SV2C: variants seen among roughly 807,000 people sequenced by gnomAD.
The protein encoded by SV2C is solute carrier family 22 member B3.
A neutral mutation model predicts 79.7 loss-of-function variants in SV2C; 49 were observed. The observed-to-expected ratio is 0.61, with a 90% CI of 0.49 to 0.78. SV2C has a LOEUF of 0.78. Ranked by LOEUF, SV2C falls within the 30% of genes least tolerant of loss-of-function variation. SV2C has a pLI of 0.00. For missense variants in SV2C, 833 were observed against 912.9 expected (o/e 0.91, Z 1.13); for synonymous variants, 334 against 333.2 (o/e 1.00, Z -0.03).
At chr5:76,067,984 C>A in the SV2C span, among the ~76,000 whole-genome samples, 1 of 152,148 alleles carries the variant, frequency 6.6e-6, no homozygotes, top group Non-Finnish European at 1.5e-5. Context: ...TATCCATTTA[C>A]AGTTCTAAAA....
intron 1 of SV2C, among the ~76,000 whole-genome samples, chr5:76,122,785 T>C (rs890045547): frequency 7.2e-5 from 11 of 151,792 alleles, no homozygotes; most frequent in Admixed American, 2.0e-4. Flanking sequence ...AGATCCAAAA[T>C]TGACACCCTA....
intron 12 of SV2C, among the ~76,000 whole-genome samples, chr5:76,305,704 C>CA (rs903855892): frequency 2.6e-5 from 4 of 151,738 alleles, no homozygotes; most frequent in South Asian, 4.2e-4. Flanking sequence ...TTTTCTGTGC[C>CA]AAAAAAAATG....
At chr5:75,967,797 C>T in the SV2C span, among the ~76,000 whole-genome samples, 1 of 152,154 alleles carries the variant, frequency 6.6e-6, no homozygotes, top group African/African-American at 2.4e-5. Flanking sequence ...CTTAAATGTC[C>T]CTGTCTGACA....
At chr5:76,348,377 A>C (rs1561328765) in intron 12 of SV2C, among the ~76,000 whole-genome samples, 1 of 152,346 alleles carries the variant, frequency 6.6e-6, no homozygotes, top group East Asian at 1.9e-4. Context: ...AAGTTTGGCA[A>C]TTATAAGGAA....
At chr5:76,142,741 T>A (rs536583947) in intron 2 of SV2C, among the ~76,000 whole-genome samples, 14 of 152,316 alleles carry the variant, frequency 9.2e-5, no homozygotes, top group African/African-American at 3.1e-4. Flanking sequence ...ATTTCTTTTT[T>A]AAAAACATTA....
chr5:75,930,553 A>T, the SV2C span, among the ~76,000 whole-genome samples: 1 of 152,224 alleles, frequency 6.6e-6, no homozygotes, highest in African/African-American at 2.4e-5. Context: ...CATTAGGCAG[A>T]TTCTCTAGAA....
chr5:76,277,339 A>G (rs1747052887), intron 4 of SV2C, among the ~76,000 whole-genome samples: 1 of 152,240 alleles, frequency 6.6e-6, no homozygotes, highest in African/African-American at 2.4e-5. Context: ...ACTGGAAACA[A>G]TCTAAGTGTC....
chr5:76,283,067 C>G (rs1747245725), intron 4 of SV2C, among the ~76,000 whole-genome samples: 1 of 151,910 alleles, frequency 6.6e-6, no homozygotes, highest in South Asian at 2.1e-4. Context: ...GTAATCCTAG[C>G]ACTTTGGAAG....
At chr5:75,883,221 G>A in the SV2C span, among the ~76,000 whole-genome samples, 1 of 127,014 alleles carries the variant, frequency 7.9e-6, no homozygotes, top group African/African-American at 3.7e-5. Flanking sequence ...GGAGAAATAG[G>A]AACACTTTTA....
chr5:76,316,408 C>A (rs891508544), intron 12 of SV2C, among the ~76,000 whole-genome samples: 1 of 152,110 alleles, frequency 6.6e-6, no homozygotes, highest in Non-Finnish European at 1.5e-5. Flanking sequence ...AATTCAGAAT[C>A]TCTGTGCATG....
At chr5:75,952,730 A>G in the SV2C span, among the ~76,000 whole-genome samples, 1 of 151,856 alleles carries the variant, frequency 6.6e-6, no homozygotes, top group Non-Finnish European at 1.5e-5. Context: ...AGTCAAGCAG[A>G]TGGCAGTGCC....
chr5:76,265,500 AAAAAAC>A (rs1469199604), intron 4 of SV2C, among the ~76,000 whole-genome samples: 2 of 152,290 alleles, frequency 1.3e-5, no homozygotes, highest in Admixed American at 6.5e-5. Context: ...TGGGGTATGA[AAAAAAC>A]AAAAACAAAA....
chr5:76,082,591 CT>C (rs545785224), upstream of SV2C, among the ~76,000 whole-genome samples: 188 of 149,154 alleles, frequency 1.3e-3, 4 homozygotes, highest in East Asian at 0.037. Context: ...TTCTTTCTTT[CT>C]TTCTTCCTCC....
chr5:75,994,206 T>C, the SV2C span, among the ~76,000 whole-genome samples: 3 of 152,058 alleles, frequency 2.0e-5, no homozygotes, highest in African/African-American at 7.2e-5. Context: ...CTATATGTGA[T>C]CAATTTAGGA....
At chr5:75,916,189 TCTTCTCCTCCTCTTC>T in the SV2C span, among the ~76,000 whole-genome samples, 1 of 152,106 alleles carries the variant, frequency 6.6e-6, no homozygotes, top group African/African-American at 2.4e-5. Context: ...TGCTTCTTTT[TCTTCTCCTCCTCTTC>T]CTCCTCCTCC....
At chr5:76,119,868 G>A (rs1219556432) in intron 1 of SV2C, among the ~76,000 whole-genome samples, 4 of 152,048 alleles carry the variant, frequency 2.6e-5, no homozygotes, top group African/African-American at 4.8e-5. Flanking sequence ...AATTATTAAC[G>A]ATGAAAGAGA....
chr5:76,295,397 C>A (rs1229590636), intron 8 of SV2C, among the ~76,000 whole-genome samples: 1 of 152,178 alleles, frequency 6.6e-6, no homozygotes, highest in Admixed American at 6.5e-5. Context: ...AACTTAATCA[C>A]CTCCTAAAGC....
chr5:75,981,940 A>G, the SV2C span, among the ~76,000 whole-genome samples: 1 of 152,070 alleles, frequency 6.6e-6, no homozygotes, highest in Non-Finnish European at 1.5e-5. Flanking sequence ...CAACCTACAG[A>G]ATGAGAGAAA....
the SV2C span, among the ~76,000 whole-genome samples, chr5:75,982,597 G>T: frequency 6.6e-6 from 1 of 152,152 alleles, no homozygotes; most frequent in Non-Finnish European, 1.5e-5. Flanking sequence ...ATTCCACCCA[G>T]CAATCCCATT....
Sources: allele counts gnomAD v4.1 joint callset (sites outside exome capture counted in the v4.1 genomes callset), GRCh38; gene constraint gnomAD v4.1.1; transcripts MANE v1.5; gene names NCBI Gene and HGNC (gene_info 2026-07-23, HGNC 2026-07-21).